CMPK1: variants seen among roughly 807,000 people sequenced by gnomAD.
The protein encoded by CMPK1 is UMP-CMP kinase.
CMPK1 carries 10 observed loss-of-function variants against 25.7 expected under a neutral mutation model. The observed-to-expected ratio is 0.39, with a 90% CI of 0.24 to 0.66. The LOEUF (loss-of-function observed/expected upper bound fraction) is 0.66, where lower values mean the gene tolerates loss of function less well. Ranked by LOEUF, CMPK1 falls within the 30% of genes least tolerant of loss-of-function variation. CMPK1 has a pLI of 0.48. For missense variants in CMPK1, 199 were observed against 280.5 expected, an observed-to-expected ratio of 0.71 and a Z score of 2.08; for synonymous variants, 106 against 101.5, an observed-to-expected ratio of 1.04 and a Z score of -0.27.
chr1:47,358,982 A>G (rs1570368809), intron 1 of CMPK1: 2 of 970,774 alleles, frequency 2.1e-6, no homozygotes, highest in East Asian at 1.1e-4. Flanking sequence ...TTCCTTAGGC[A>G]AATGATATTC....
chr1:47,362,750 C>T (rs1357892701), intron 1 of CMPK1, among the ~76,000 whole-genome samples: 2 of 152,144 alleles, frequency 1.3e-5, no homozygotes, highest in East Asian at 1.9e-4. Context: ...TGTGGATTTG[C>T]GATGAAATAT....
chr1:47,359,283 C>G (rs1304290239), intron 1 of CMPK1, among the ~76,000 whole-genome samples: 1 of 151,012 alleles, frequency 6.6e-6, no homozygotes, highest in Non-Finnish European at 1.5e-5. Context: ...CGCCACCGCA[C>G]TCCAGCCTGG....
At chr1:47,353,004 C>T (rs1646533634) in intron 1 of CMPK1, among the ~76,000 whole-genome samples, 1 of 152,086 alleles carries the variant, frequency 6.6e-6, no homozygotes. Context: ...CTTCTATTAG[C>T]ACAGGTTATT....
intron 1 of CMPK1, among the ~76,000 whole-genome samples, chr1:47,363,283 A>G (rs1425700873): frequency 6.6e-6 from 1 of 152,172 alleles, no homozygotes; most frequent in Non-Finnish European, 1.5e-5. Context: ...AAAATCCTAA[A>G]TTGAACCATC....
chr1:47,340,124 C>T (rs945309154), intron 1 of CMPK1, among the ~76,000 whole-genome samples: 1 of 146,832 alleles, frequency 6.8e-6, no homozygotes, highest in African/African-American at 2.5e-5. Flanking sequence ...CTCTGTTGCC[C>T]AGGCTGCAGT....
intron 1 of CMPK1, among the ~76,000 whole-genome samples, chr1:47,366,956 C>A (rs995296924): frequency 6.6e-6 from 1 of 152,114 alleles, no homozygotes; most frequent in Non-Finnish European, 1.5e-5. Flanking sequence ...AAACTCCTGA[C>A]CTCAGGTGAT....
intron 1 of CMPK1, among the ~76,000 whole-genome samples, chr1:47,335,230 C>T (rs549701222): frequency 1.3e-5 from 2 of 152,260 alleles, no homozygotes; most frequent in East Asian, 3.9e-4. Flanking sequence ...TTGCTTCTCT[C>T]CTTATATGTT....
intron 1 of CMPK1, among the ~76,000 whole-genome samples, chr1:47,351,624 G>A (rs1387407933): frequency 6.6e-6 from 1 of 152,110 alleles, no homozygotes; most frequent in Non-Finnish European, 1.5e-5. Context: ...GAGTCACATG[G>A]TAATTTTGTG....
rs766232563 is a variant in CMPK1, at chr1:47,375,270, G to T, written c.622G>T (p.Asp208Tyr). Residue 208 changes from aspartate to tyrosine, a missense_variant, in exon 5 of 6, where the codon GAT becomes TAT. This residue lies in a region of CMPK1 where 140 missense variants were observed against 235.5 expected (regional missense o/e 0.59). Transcript: ENST00000371873. Reference protein sequence around the residue: ...YEEMGKVKKIDASKSVDEVFD... With the variant: ...YEEMGKVKKIYASKSVDEVFD... ...AGAAATGGGGAAAGTCAAGAAAATA[G>T]ATGCTTCTAAATCTGTTGATGAAGT... The T allele has an allele frequency of 1.2e-5, 19 of 1,603,740 alleles. No individual in the cohort carries two copies. The highest frequency in any genetic ancestry group is 1.6e-5 in the Non-Finnish European group (19 of 1,175,568).
intron 1 of CMPK1, 147 bp from the exon 2 acceptor site, chr1:47,368,322 A>T: frequency 1.8e-6 from 1 of 560,410 alleles, no homozygotes; most frequent in Non-Finnish European, 2.9e-6. Context: ...GAAATATCTT[A>T]AATTTTTCTT....
At chr1:47,364,567 T>C (rs1646626059) in intron 1 of CMPK1, among the ~76,000 whole-genome samples, 1 of 151,250 alleles carries the variant, frequency 6.6e-6, no homozygotes, top group Non-Finnish European at 1.5e-5. Flanking sequence ...TCCACCCGCC[T>C]CAGCCTCCCA....
At chr1:47,361,000 T>C (rs1309771959) in intron 1 of CMPK1, among the ~76,000 whole-genome samples, 4 of 151,046 alleles carry the variant, frequency 2.6e-5, no homozygotes, top group Non-Finnish European at 4.4e-5. Context: ...GGAGAAAAGC[T>C]ATACATATTT....
chr1:47,354,517 G>GTGCC (rs1646545460), intron 1 of CMPK1, among the ~76,000 whole-genome samples: 1 of 151,018 alleles, frequency 6.6e-6, no homozygotes, highest in South Asian at 2.1e-4. Flanking sequence ...TTTTGCGTGC[G>GTGCC]TGCCTTTCTG....
intron 1 of CMPK1, among the ~76,000 whole-genome samples, chr1:47,343,519 A>C (rs1449069687): frequency 2.1e-5 from 3 of 142,924 alleles, no homozygotes; most frequent in African/African-American, 7.7e-5. Flanking sequence ...AAAAAAAAAA[A>C]GTCTCAAAAA....
intron 1 of CMPK1, among the ~76,000 whole-genome samples, chr1:47,352,192 C>T (rs1646527593): frequency 6.6e-6 from 1 of 152,122 alleles, no homozygotes; most frequent in African/African-American, 2.4e-5. Context: ...TATATATCTT[C>T]TTATCGAGCT....
chr1:47,354,672 A>G (rs572219211), intron 1 of CMPK1, among the ~76,000 whole-genome samples: 5 of 128,098 alleles, frequency 3.9e-5, no homozygotes, highest in East Asian at 4.6e-4. Flanking sequence ...AGATAGTTCT[A>G]CTTCATAATA....
chr1:47,337,291 A>AAAAT (rs200190508), intron 1 of CMPK1, among the ~76,000 whole-genome samples: 4,091 of 152,134 alleles, frequency 0.027, 157 homozygotes, highest in African/African-American at 0.09. Flanking sequence ...TCAAAAAAAT[A>AAAAT]AAATAAATAA....
intron 1 of CMPK1, among the ~76,000 whole-genome samples, chr1:47,354,292 G>A (rs1263796829): frequency 1.3e-5 from 2 of 152,200 alleles, no homozygotes; most frequent in African/African-American, 4.8e-5. Flanking sequence ...TTGTGCCACT[G>A]TATTCCAGCC....
rs1470731475 is a variant in CMPK1 at position 47,360,473 on chromosome 1, A to G, written c.172-7996A>G. Among the ~76,000 whole-genome samples, 5 of 152,178 alleles carry G rather than the reference A, an allele frequency of 3.3e-5. No homozygotes were observed. In the East Asian group the frequency reaches 7.7e-4, roughly 23 times the overall value. On this transcript the variant is annotated intron_variant, in intron 1 of 5. Coordinates refer to ENST00000371873, the MANE Select transcript of CMPK1 (RefSeq NM_016308.3). ...ACATAGATGAGGAAACAATCTGTTT[A>G]GTGGCTTCTAACTCACTCTTAAGTT...
Sources: gnomAD v4.1 joint callset for allele counts (sites outside exome capture counted in the v4.1 genomes callset) on GRCh38, gnomAD v4.1.1 for gene constraint, gnomAD v4.1.1 regional missense constraint, MANE v1.5 for transcripts, NCBI Gene and HGNC (gene_info 2026-07-23, HGNC 2026-07-21) for gene names.